Variants in DRC9 observed in about 807,000 individuals in gnomAD.
The protein encoded by DRC9 is dynein regulatory complex subunit 9, also known as dynein regulatory complex protein 9.
At chr3:197,926,018 T>A in the DRC9 span, 2 of 1,502,202 alleles carry the variant, frequency 1.3e-6, no homozygotes, top group Non-Finnish European at 9.3e-7. Context: ...AGCAGGTAAT[T>A]CTTACCTGGA....
the DRC9 span, among the ~76,000 whole-genome samples, chr3:197,899,973 G>A: frequency 6.6e-6 from 1 of 152,204 alleles, no homozygotes; most frequent in Non-Finnish European, 1.5e-5. Context: ...GAGGGCGGGC[G>A]CGGCACCTGA....
the DRC9 span, among the ~76,000 whole-genome samples, chr3:197,944,500 G>A: frequency 6.6e-6 from 1 of 151,802 alleles, no homozygotes; most frequent in East Asian, 1.9e-4. Context: ...CCAGGCTGGA[G>A]TGCAGTAGCG....
the DRC9 span, chr3:197,955,703 G>T: frequency 1.4e-6 from 2 of 1,472,600 alleles, no homozygotes; most frequent in Non-Finnish European, 1.9e-6. Context: ...ATTTGTAGAC[G>T]TATATATAAC....
At chr3:197,921,238 C>A in the DRC9 span, among the ~76,000 whole-genome samples, 1 of 127,092 alleles carries the variant, frequency 7.9e-6, no homozygotes, top group Non-Finnish European at 1.5e-5. Context: ...GTCGACCCGA[C>A]TACTGGTTTT....
At chr3:197,921,829 CCTGATTTCAT>C in the DRC9 span, among the ~76,000 whole-genome samples, 20 of 143,214 alleles carry the variant, frequency 1.4e-4, 2 homozygotes, top group African/African-American at 5.5e-4. Flanking sequence ...GGGGATTTCA[CCTGATTTCAT>C]CTTGATTGAC....
At chr3:197,954,169 A>T in the DRC9 span, 1 of 1,613,768 alleles carries the variant, frequency 6.2e-7, no homozygotes, top group Non-Finnish European at 8.5e-7. Flanking sequence ...TTTTAGCAAA[A>T]TGGACGTCTG....
At chr3:197,942,448 T>G in the DRC9 span, among the ~76,000 whole-genome samples, 2 of 147,954 alleles carry the variant, frequency 1.4e-5, no homozygotes. Context: ...AATAATAATT[T>G]AGAAAATTTG....
At chr3:197,954,120 T>G in the DRC9 span, 16 of 1,614,090 alleles carry the variant, frequency 9.9e-6, no homozygotes, top group Non-Finnish European at 1.2e-5. Context: ...ATCTTCCTGC[T>G]AAGGCCATTG....
chr3:197,956,229 C>T, the DRC9 span: 331 of 192,236 alleles, frequency 1.7e-3, no homozygotes, highest in African/African-American at 7.4e-3. Context: ...TGCTGGGATA[C>T]AGTTATGAGC....
the DRC9 span, chr3:197,913,667 G>C: frequency 1.6e-6 from 1 of 623,560 alleles, no homozygotes; most frequent in African/African-American, 1.8e-5. Context: ...AAGTCATTAT[G>C]AGGCGGGAGA....
chr3:197,922,287 T>G, the DRC9 span, among the ~76,000 whole-genome samples: 1 of 152,228 alleles, frequency 6.6e-6, no homozygotes, highest in East Asian at 1.9e-4. Flanking sequence ...CAAGTGTTGT[T>G]GCTGTTAGGA....
the DRC9 span, among the ~76,000 whole-genome samples, chr3:197,941,160 TTCCTCTCTC>T: frequency 1.6e-5 from 2 of 126,424 alleles, no homozygotes; most frequent in Admixed American, 7.9e-5. Context: ...CCCTCCCTCC[TTCCTCTCTC>T]TCCTCTCTCT....
At chr3:197,955,633 C>G in the DRC9 span, 1 of 944,590 alleles carries the variant, frequency 1.1e-6, no homozygotes, top group Admixed American at 1.7e-5. Flanking sequence ...AAAAACTTTC[C>G]TTACCACTAG....
chr3:197,905,981 T>C, the DRC9 span, among the ~76,000 whole-genome samples: 9 of 151,956 alleles, frequency 5.9e-5, no homozygotes, highest in Non-Finnish European at 1.2e-4. Context: ...AAAGCTTGTC[T>C]ACCAGAAACC....
chr3:197,917,668 C>G, the DRC9 span, among the ~76,000 whole-genome samples: 165 of 151,864 alleles, frequency 1.1e-3, no homozygotes, highest in African/African-American at 3.8e-3. Flanking sequence ...GCTTTTGGCT[C>G]ACTGTTTTTC....
chr3:197,906,477 G>GAAAAT, the DRC9 span: 1 of 150,410 alleles, frequency 6.6e-6, no homozygotes, highest in African/African-American at 2.5e-5. Flanking sequence ...TCCAGATTAG[G>GAAAAT]AAAACAAAAC....
At chr3:197,939,960 T>C in the DRC9 span, among the ~76,000 whole-genome samples, 4 of 152,148 alleles carry the variant, frequency 2.6e-5, no homozygotes, top group Non-Finnish European at 4.4e-5. Context: ...TAGAATAGAA[T>C]TAAAGAAACG....
At chr3:197,956,884 G>GC in the DRC9 span, 2 of 152,056 alleles carry the variant, frequency 1.3e-5, no homozygotes, top group East Asian at 3.9e-4. Flanking sequence ...CTTTTTGTCT[G>GC]CCCCCTGAGG....
the DRC9 span, among the ~76,000 whole-genome samples, chr3:197,940,745 T>C: frequency 6.6e-6 from 1 of 152,236 alleles, no homozygotes; most frequent in African/African-American, 2.4e-5. Flanking sequence ...AAAAATATTT[T>C]AAGAGATTCA....
Sources: gnomAD v4.1 joint callset for allele counts (sites outside exome capture counted in the v4.1 genomes callset) on GRCh38, gnomAD v4.1.1 for gene constraint, MANE v1.5 for transcripts, NCBI Gene and HGNC (gene_info 2026-07-23, HGNC 2026-07-21) for gene names.